The following RSPRY1 variants were observed in gnomAD, a reference collection of about 807,000 sequenced individuals.
RSPRY1 encodes ring finger and SPRY domain containing 1, also known as RING finger and SPRY domain-containing protein 1.
In RSPRY1, 23 loss-of-function variants were observed where a neutral mutation model predicts 73.1. The observed-to-expected ratio is 0.31, with a 90% CI of 0.23 to 0.45. The LOEUF is 0.45. Among genes scored for constraint, RSPRY1 ranks in the 20% least tolerant of loss-of-function variants. RSPRY1 has a pLI of 1.00. For missense variants in RSPRY1, 448 were observed against 698.7 expected, an observed-to-expected ratio of 0.64 and a Z score of 4.05; for synonymous variants, 226 against 251.4, an observed-to-expected ratio of 0.90 and a Z score of 0.95.
At chr16:57,186,210 T>C, upstream of RSPRY1, 1 of 977,792 alleles carries the variant, frequency 1.0e-6, no homozygotes, top group Non-Finnish European at 1.2e-6. Context: ...CCGGTCCCGC[T>C]GATCACGTGA....
rs60180096 is a variant in RSPRY1, at chr16:57,216,087, T to TA, written c.703-19dup. The stretch of plus-strand genomic sequence containing the variant: ...GGGAATGATTTTTTTTTTTTTTTTT[T>TA]ATCTTTTGTTGTTTTTCAGAAGTTA... On this transcript the variant is annotated intron_variant, in intron 6 of 14. Transcript: ENST00000394420. The TA allele has an allele frequency of 2.9e-5, 45 of 1,553,080 alleles. No individual in the cohort carries two copies. The highest frequency in any genetic ancestry group is 1.3e-4 in the Admixed American group (7 of 53,038).
intron 8 of RSPRY1, 132 bp downstream of exon 8, chr16:57,217,167 A>G (rs2074955449): frequency 1.1e-6 from 1 of 929,570 alleles, no homozygotes; most frequent in African/African-American, 1.7e-5. Context: ...CAGGTTGGAT[A>G]TATTCTAGCA....
At chr16:57,207,722 C>G (rs1308099360) in intron 2 of RSPRY1, 13 of 473,416 alleles carry the variant, frequency 2.7e-5, no homozygotes, top group Non-Finnish European at 5.0e-5. Flanking sequence ...CCTGGCTTGT[C>G]TCAGTTGGCA....
chr16:57,208,378 A>G (rs13333086), intron 3 of RSPRY1, among the ~76,000 whole-genome samples: 2 of 87,556 alleles, frequency 2.3e-5, no homozygotes, highest in Non-Finnish European at 2.1e-5. Context: ...GAGATTATTT[A>G]TATATATATA....
At chr16:57,205,248 A>G in intron 2 of RSPRY1, 1 of 501,516 alleles carries the variant, frequency 2.0e-6, no homozygotes, top group South Asian at 2.4e-5. Flanking sequence ...AAAACACGAT[A>G]AAGCTATGAT....
chr16:57,203,438 A>C (rs997207342), intron 1 of RSPRY1, among the ~76,000 whole-genome samples: 5 of 152,140 alleles, frequency 3.3e-5, no homozygotes, highest in African/African-American at 1.2e-4. Context: ...TGTTGTGTAG[A>C]GACTACACAC....
intron 3 of RSPRY1, among the ~76,000 whole-genome samples, chr16:57,208,684 G>A (rs1428873588): frequency 2.0e-5 from 3 of 152,098 alleles, no homozygotes; most frequent in African/African-American, 7.2e-5. Context: ...ACAGGTGTGA[G>A]CCACAGCCCC....
In RSPRY1 at chr16:57,217,004, T is replaced by C. The variant is rs765885203; in HGVS notation, c.870T>C (p.Gly290=). 6.2e-7 allele frequency: 1 copy of C among 1,614,166 alleles called. No individual in the cohort carries two copies. The highest frequency in any genetic ancestry group is 8.5e-7 in the Non-Finnish European group (1 of 1,180,008). Residue 290 remains glycine (G), a synonymous_variant, in exon 8 of 15, where the codon GGT becomes GGC. Transcript: ENST00000394420. ...CTGATTATCTGAAACGTCAAGTTGG[T>C]TTCTGTGCCCAGTGGAGCTTAGACA... ...NDPDYLKRQV[G]FCAQWSLDNL...
intron 1 of RSPRY1, among the ~76,000 whole-genome samples, chr16:57,195,492 A>G (rs1030034358): frequency 4.6e-5 from 7 of 152,132 alleles, no homozygotes; most frequent in African/African-American, 1.7e-4. Context: ...AGTCTGGGCA[A>G]TGAGAGTGGA....
chr16:57,191,931 A>C (rs2074358343), intron 1 of RSPRY1, among the ~76,000 whole-genome samples: 1 of 151,822 alleles, frequency 6.6e-6, no homozygotes, highest in Non-Finnish European at 1.5e-5. Context: ...TTTGTCCCTA[A>C]CCCCAGCTCC....
chr16:57,233,340 T>A (rs1448413013), intron 13 of RSPRY1, among the ~76,000 whole-genome samples: 1 of 152,030 alleles, frequency 6.6e-6, no homozygotes, highest in Non-Finnish European at 1.5e-5. Context: ...AGCCACTGCT[T>A]CTCCCTCAGT....
intron 5 of RSPRY1, among the ~76,000 whole-genome samples, chr16:57,213,373 A>G (rs1223304517): frequency 6.6e-6 from 1 of 152,240 alleles, no homozygotes; most frequent in Non-Finnish European, 1.5e-5. Context: ...AAAAGGGAGA[A>G]AAGCTAAATT....
rs1351734165 is a variant in RSPRY1, at chr16:57,204,751, A to AG, written c.96dup (p.Thr33AspfsTer10). 1 of 1,614,150 alleles carries AG rather than the reference A, an allele frequency of 6.2e-7. No individual in the cohort carries two copies. The highest frequency in any genetic ancestry group is 1.3e-5 in the African/African-American group (1 of 75,030). On this transcript the variant is annotated frameshift_variant, in exon 2 of 15. Transcript: ENST00000394420. LOFTEE classifies it high-confidence loss of function. ...TCGAAGAGCACATAGCCCACTTCCT[A>AG]GGGACTGGAGGTGCCGCTACTACCA...
chr16:57,234,798 A>G (rs1174707165), intron 13 of RSPRY1, among the ~76,000 whole-genome samples: 1 of 152,220 alleles, frequency 6.6e-6, no homozygotes. Flanking sequence ...CACATATGTG[A>G]TTTAAAAGGT....
At chr16:57,188,052 C>A (rs540514327) in intron 1 of RSPRY1, among the ~76,000 whole-genome samples, 1 of 152,208 alleles carries the variant, frequency 6.6e-6, no homozygotes. Context: ...CTTTCTCCCT[C>A]AGTTGTGATT....
chr16:57,223,037 T>C (rs13336686), intron 10 of RSPRY1, among the ~76,000 whole-genome samples: 67,589 of 152,136 alleles, frequency 0.44, 15,185 homozygotes, highest in Non-Finnish European at 0.48. Flanking sequence ...TTGGTTTCTT[T>C]AAAAACAAAC....
intron 7 of RSPRY1, 71 bp from the exon 8 acceptor site, chr16:57,216,833 C>T: frequency 1.4e-6 from 2 of 1,435,360 alleles, no homozygotes; most frequent in Non-Finnish European, 2.0e-6. Context: ...CCCTCCTTAG[C>T]AATACTAATT....
chr16:57,239,217 G>C lies in RSPRY1; in HGVS notation c.*242G>C. 1 of 253,886 alleles carries C rather than the reference G, an allele frequency of 3.9e-6. No individual in the cohort carries two copies. The highest frequency in any genetic ancestry group is 7.6e-6 in the Non-Finnish European group (1 of 132,206). The allele number at this position is 253,886 out of a possible 1,614,324, so 15.7% of individuals were successfully genotyped here. ...AAGCTGAATGCTAGCAGCCAGGCCT[G>C]TGGTACTTCCATGAGAAACCATAGC... On this transcript the variant is annotated 3_prime_UTR_variant, in exon 15 of 15. Coordinates refer to ENST00000394420, the MANE Select transcript of RSPRY1 (RefSeq NM_133368.3).
chr16:57,231,788 G>A (rs548141372), intron 13 of RSPRY1, among the ~76,000 whole-genome samples: 239 of 152,234 alleles, frequency 1.6e-3, no homozygotes, highest in African/African-American at 5.5e-3. Flanking sequence ...TATTGAAACA[G>A]ACTTTTTATG....
Sources: allele counts gnomAD v4.1 joint callset (sites outside exome capture counted in the v4.1 genomes callset), GRCh38; gene constraint gnomAD v4.1.1; transcripts MANE v1.5; gene names NCBI Gene and HGNC (gene_info 2026-07-23, HGNC 2026-07-21).